The following TNFRSF19 variants were observed in gnomAD, a reference collection of about 807,000 sequenced individuals.
TNFRSF19 encodes tumor necrosis factor receptor superfamily member 19.
In TNFRSF19, 27 loss-of-function variants were observed where a neutral mutation model predicts 46.4. The observed-to-expected ratio is 0.58, with a 90% CI of 0.43 to 0.80. The LOEUF (loss-of-function observed/expected upper bound fraction) is 0.80, where lower values mean the gene tolerates loss of function less well. Among genes scored for constraint, TNFRSF19 ranks in the 30% least tolerant of loss-of-function variants. The probability of loss-of-function intolerance (pLI) is 0.00; values close to 1 mark genes in which losing one functional copy is unlikely to be tolerated. For missense variants in TNFRSF19, 511 were observed against 530.8 expected, an observed-to-expected ratio of 0.96 and a Z score of 0.37; for synonymous variants, 204 against 205.0, an observed-to-expected ratio of 1.00 and a Z score of 0.04.
chr13:23,582,268 G>A (rs1878502993), intron 1 of TNFRSF19, among the ~76,000 whole-genome samples: 1 of 151,338 alleles, frequency 6.6e-6, no homozygotes, highest in Admixed American at 6.6e-5. Context: ...GGGCGTGGTG[G>A]CGGGCGCCTG....
chr13:23,628,497 GCA>G (rs1882152038), intron 5 of TNFRSF19, among the ~76,000 whole-genome samples: 1 of 152,156 alleles, frequency 6.6e-6, no homozygotes, highest in South Asian at 2.1e-4. Flanking sequence ...CCAGACTGCT[GCA>G]CAGAGATTCC....
At chr13:23,660,276 T>A in intron 6 of TNFRSF19, 89 bp from the exon 7 acceptor site, 1 of 1,310,756 alleles carries the variant, frequency 7.6e-7, no homozygotes, top group Non-Finnish European at 1.0e-6. Context: ...GATAGCTGAT[T>A]TGTTCTTTAA....
At chr13:23,606,868 G>A (rs1040344465) in intron 3 of TNFRSF19, among the ~76,000 whole-genome samples, 2 of 152,114 alleles carry the variant, frequency 1.3e-5, no homozygotes, top group African/African-American at 4.8e-5. Context: ...AATGTTAGAT[G>A]TTTTTAAATT....
intron 5 of TNFRSF19, among the ~76,000 whole-genome samples, chr13:23,640,649 G>A (rs1430742084): frequency 6.6e-6 from 1 of 152,164 alleles, no homozygotes; most frequent in Non-Finnish European, 1.5e-5. Context: ...TGTATGCCAA[G>A]ATGTTCATCT....
At chr13:23,664,524 T>C (rs1423547523) in intron 7 of TNFRSF19, among the ~76,000 whole-genome samples, 1 of 152,186 alleles carries the variant, frequency 6.6e-6, no homozygotes, top group Non-Finnish European at 1.5e-5. Flanking sequence ...AGTTCCCCCG[T>C]CCTCTTACTA....
chr13:23,619,691 G>A (rs748808384), intron 4 of TNFRSF19, among the ~76,000 whole-genome samples: 1 of 152,174 alleles, frequency 6.6e-6, no homozygotes, highest in Non-Finnish European at 1.5e-5. Context: ...TCTGTTGTTC[G>A]TGTTCTCCAG....
intron 3 of TNFRSF19, 62 bp from the exon 4 acceptor site, chr13:23,615,805 G>A (rs1157377501): frequency 2.6e-5 from 38 of 1,473,698 alleles, no homozygotes; most frequent in Non-Finnish European, 3.4e-5. Flanking sequence ...TCATCCTAGC[G>A]GTCTTTCCTT....
chr13:23,604,021 A>G (rs2138219091), intron 3 of TNFRSF19, among the ~76,000 whole-genome samples: 1 of 152,170 alleles, frequency 6.6e-6, no homozygotes, highest in African/African-American at 2.4e-5. Flanking sequence ...AATAAAAAAA[A>G]AGAAATAAAA....
chr13:23,623,561 C>T lies in TNFRSF19; in HGVS notation c.360-3146C>T, dbSNP rs149105785. Among the ~76,000 whole-genome samples, 1,093 of 152,282 alleles carry T rather than the reference C, an allele frequency of 7.2e-3. 12 individuals are homozygous for T. Among genetic ancestry groups the T allele is most frequent in the African/African-American group, 0.024 (1,013 of 41,556 alleles). On this transcript the variant is annotated intron_variant, in intron 4 of 9. Coordinates refer to ENST00000248484, the MANE Select transcript of TNFRSF19 (RefSeq NM_148957.4). Reference sequence around the variant, plus strand: ...TAGCGGCTGCACCATTTTATTGTCCCGTCAGCAGTATACAAGGGTTCCAGT... The same window carrying T: ...TAGCGGCTGCACCATTTTATTGTCCTGTCAGCAGTATACAAGGGTTCCAGT...
intron 8 of TNFRSF19, among the ~76,000 whole-genome samples, 160 bp from the exon 9 acceptor site, chr13:23,668,532 A>T (rs1227158592): frequency 1.3e-5 from 2 of 152,226 alleles, no homozygotes; most frequent in African/African-American, 4.8e-5. Flanking sequence ...AATTTGACTT[A>T]TTGTATTGAG....
At chr13:23,649,046 G>A (rs1883486186) in intron 5 of TNFRSF19, among the ~76,000 whole-genome samples, 1 of 152,026 alleles carries the variant, frequency 6.6e-6, no homozygotes, top group African/African-American at 2.4e-5. Flanking sequence ...TTTCCCTCAT[G>A]GCAGCTTTAT....
At chr13:23,648,065 T>A (rs187763368) in intron 5 of TNFRSF19, among the ~76,000 whole-genome samples, 1 of 152,190 alleles carries the variant, frequency 6.6e-6, no homozygotes, top group Admixed American at 6.5e-5. Context: ...ATTTTGACTA[T>A]TTCAGGGTTC....
intron 2 of TNFRSF19, among the ~76,000 whole-genome samples, chr13:23,592,523 A>G (rs1394686970): frequency 6.6e-6 from 1 of 152,204 alleles, no homozygotes; most frequent in Non-Finnish European, 1.5e-5. Context: ...TTGCCTAAGT[A>G]TACATTTTCC....
intron 3 of TNFRSF19, among the ~76,000 whole-genome samples, chr13:23,610,505 T>A (rs777179346): frequency 6.7e-6 from 1 of 149,238 alleles, no homozygotes; most frequent in Non-Finnish European, 1.5e-5. Context: ...CACCCAGACA[T>A]CCCCAGCCCA....
intron 1 of TNFRSF19, among the ~76,000 whole-genome samples, chr13:23,588,238 T>C (rs880624): frequency 0.38 from 58,240 of 151,954 alleles, 11,444 homozygotes; most frequent in East Asian, 0.52. Flanking sequence ...AGTAACTTAT[T>C]CCAGGTTGCA....
At chr13:23,586,393 A>G (rs1332394661) in intron 1 of TNFRSF19, among the ~76,000 whole-genome samples, 1 of 152,214 alleles carries the variant, frequency 6.6e-6, no homozygotes, top group Non-Finnish European at 1.5e-5. Context: ...AGAGATGCTG[A>G]TGCAGATTTA....
intron 3 of TNFRSF19, among the ~76,000 whole-genome samples, chr13:23,602,380 A>G (rs967877220): frequency 1.3e-5 from 2 of 152,108 alleles, no homozygotes; most frequent in African/African-American, 4.8e-5. Flanking sequence ...ACAAAAACTG[A>G]TAGAACTACA....
chr13:23,596,682 T>C (rs1340895761), intron 3 of TNFRSF19, among the ~76,000 whole-genome samples: 1 of 152,128 alleles, frequency 6.6e-6, no homozygotes, highest in African/African-American at 2.4e-5. Context: ...CTGTCAATAT[T>C]AGACAGATCA....
chr13:23,636,681 C>T (rs997179341), intron 5 of TNFRSF19, among the ~76,000 whole-genome samples: 2 of 152,178 alleles, frequency 1.3e-5, no homozygotes, highest in Non-Finnish European at 2.9e-5. Context: ...CAGAGACACC[C>T]ACAGCAGAGG....
Sources: gnomAD v4.1 joint callset for allele counts (sites outside exome capture counted in the v4.1 genomes callset) on GRCh38, gnomAD v4.1.1 for gene constraint, MANE v1.5 for transcripts, NCBI Gene and HGNC (gene_info 2026-07-23, HGNC 2026-07-21) for gene names.